ANK2: variants seen among roughly 807,000 people sequenced by gnomAD.
ANK2 encodes ankyrin-2.
ANK2 carries 83 observed loss-of-function variants against 360.5 expected under a neutral mutation model. The ratio of observed to expected loss-of-function variants is 0.23; its 90% confidence interval spans 0.19 to 0.28. The LOEUF (loss-of-function observed/expected upper bound fraction) is 0.28, where lower values mean the gene tolerates loss of function less well. Among genes scored for constraint, ANK2 ranks in the 10% least tolerant of loss-of-function variants. The pLI is 1.00. For missense variants in ANK2, 4,201 were observed against 4,795.7 expected, an observed-to-expected ratio of 0.88 and a Z score of 3.66; for synonymous variants, 1,740 against 1,759.5, an observed-to-expected ratio of 0.99 and a Z score of 0.28.
chr4:112,840,127 A>C (rs2061792661), intron 1 of ANK2, among the ~76,000 whole-genome samples: 1 of 152,200 alleles, frequency 6.6e-6, no homozygotes. Context: ...CAGGCTTTAG[A>C]TCAAACATCT....
chr4:113,027,360 C>T (rs961042874), intron 2 of ANK2, among the ~76,000 whole-genome samples: 1 of 152,088 alleles, frequency 6.6e-6, no homozygotes, highest in African/African-American at 2.4e-5. Flanking sequence ...ACCTCCAGAT[C>T]CCAGGAATGA....
At chr4:112,796,938 G>A in the ANK2 span, 5 of 152,290 alleles carry the variant, frequency 3.3e-5, no homozygotes, top group Admixed American at 6.5e-5. Context: ...TTCTACAAAG[G>A]TAATGAGCTG....
At chr4:113,065,546 T>C (rs961858311) in intron 1 of ANK2, among the ~76,000 whole-genome samples, 7 of 152,218 alleles carry the variant, frequency 4.6e-5, no homozygotes, top group African/African-American at 1.7e-4. Flanking sequence ...CAGAATCATG[T>C]ACGTAGTTAG....
At chr4:113,312,550 C>T (rs1483992813) in intron 24 of ANK2, among the ~76,000 whole-genome samples, 2 of 151,140 alleles carry the variant, frequency 1.3e-5, no homozygotes, top group African/African-American at 4.9e-5. Context: ...ACTTCATAGT[C>T]TAATGGGATG....
chr4:113,085,803 A>G (rs1431140288), intron 1 of ANK2, among the ~76,000 whole-genome samples: 2 of 152,236 alleles, frequency 1.3e-5, no homozygotes, highest in East Asian at 3.9e-4. Context: ...AGGAAGGGGG[A>G]ACTTTCCTTC....
the ANK2 span, among the ~76,000 whole-genome samples, chr4:112,733,085 C>T: frequency 1.3e-5 from 2 of 152,016 alleles, no homozygotes; most frequent in South Asian, 2.1e-4. Flanking sequence ...GGTGTGGTGG[C>T]GGGCACCTGT....
chr4:112,798,937 A>T, the ANK2 span, among the ~76,000 whole-genome samples: 406 of 152,114 alleles, frequency 2.7e-3, 1 homozygote, highest in African/African-American at 9.4e-3. Context: ...ATCTTTTTTC[A>T]TCTTGCAAAA....
In ANK2 at chr4:113,091,708, G is replaced by A. The variant is rs80029822; in HGVS notation, c.84+41896G>A. On this transcript the variant is annotated intron_variant, in intron 1 of 45. Coordinates refer to ENST00000357077, the MANE Select transcript of ANK2 (RefSeq NM_001148.6). ...TGAGAAAATTGAGGCATGGATAGGG[G>A]ATTAAATTTGTCTAAATTTGCAGAG... is the stretch of plus-strand genomic sequence containing the variant. Among the ~76,000 whole-genome samples, 1,480 of 152,276 alleles carry A rather than the reference G, an allele frequency of 9.7e-3. 40 individuals are homozygous for A. The East Asian group carries it at 0.1, about 11-fold the overall frequency.
intron 2 of ANK2, among the ~76,000 whole-genome samples, chr4:113,008,027 C>T (rs1300495369): frequency 6.6e-6 from 1 of 152,054 alleles, no homozygotes; most frequent in Non-Finnish European, 1.5e-5. Context: ...AGCCATCATC[C>T]TGTAGTGTGT....
intron 1 of ANK2, among the ~76,000 whole-genome samples, chr4:113,159,257 A>G (rs1284173282): frequency 6.6e-6 from 1 of 151,718 alleles, no homozygotes; most frequent in Non-Finnish European, 1.5e-5. Flanking sequence ...ACAGGTAGAT[A>G]TTTGTGTAAA....
chr4:113,299,547 A>G (rs1036170615), intron 22 of ANK2, among the ~76,000 whole-genome samples: 2 of 152,016 alleles, frequency 1.3e-5, no homozygotes, highest in African/African-American at 4.8e-5. Flanking sequence ...TCTACTACAA[A>G]TACACAAATG....
intron 34 of ANK2, 62 bp downstream of exon 34, chr4:113,343,204 C>T: frequency 6.4e-7 from 1 of 1,567,488 alleles, no homozygotes; most frequent in Non-Finnish European, 8.7e-7. Context: ...ATTTGACTTC[C>T]TTTAGTAATA....
chr4:113,335,303 A>AC (rs2093362574), intron 29 of ANK2, among the ~76,000 whole-genome samples: 1 of 152,084 alleles, frequency 6.6e-6, no homozygotes, highest in Non-Finnish European at 1.5e-5. Context: ...CTCAGACACA[A>AC]CCCTTCCACT....
intron 1 of ANK2, among the ~76,000 whole-genome samples, chr4:113,097,892 GCA>G (rs201597609): frequency 0.03 from 3,852 of 128,086 alleles, 160 homozygotes; most frequent in East Asian, 0.13. Context: ...ACACACACAC[GCA>G]CACACACATA....
At chr4:112,889,684 A>G (rs923020736) in intron 1 of ANK2, among the ~76,000 whole-genome samples, 2 of 152,184 alleles carry the variant, frequency 1.3e-5, no homozygotes, top group African/African-American at 2.4e-5. Context: ...AAAGCATGTC[A>G]TGATCCAATA....
chr4:113,217,520 C>A (rs2099098925), intron 4 of ANK2, among the ~76,000 whole-genome samples: 1 of 152,118 alleles, frequency 6.6e-6, no homozygotes, highest in South Asian at 2.1e-4. Flanking sequence ...ACATTTTATC[C>A]ATGAGCAGCG....
At chr4:112,876,787 GTCAGGTCTACTAT>G (rs2075253766) in intron 1 of ANK2, among the ~76,000 whole-genome samples, 1 of 152,120 alleles carries the variant, frequency 6.6e-6, no homozygotes, top group South Asian at 2.1e-4. Flanking sequence ...CAATCCATGT[GTCAGGTCTACTAT>G]TCTAATATTC....
At chr4:113,017,676 T>G (rs2057006028) in intron 2 of ANK2, among the ~76,000 whole-genome samples, 1 of 152,212 alleles carries the variant, frequency 6.6e-6, no homozygotes, top group Non-Finnish European at 1.5e-5. Context: ...ATTTTTGATG[T>G]GCCAGTTGTT....
chr4:113,247,426 T>C (rs2153592976), intron 9 of ANK2, among the ~76,000 whole-genome samples: 1 of 152,312 alleles, frequency 6.6e-6, no homozygotes, highest in South Asian at 2.1e-4. Flanking sequence ...TCATTAAATG[T>C]AGGATTTAGA....
Sources: allele counts gnomAD v4.1 joint callset (sites outside exome capture counted in the v4.1 genomes callset), GRCh38; gene constraint gnomAD v4.1.1; transcripts MANE v1.5; gene names NCBI Gene and HGNC (gene_info 2026-07-23, HGNC 2026-07-21).